FAM193A: variants seen among roughly 807,000 people sequenced by gnomAD.
FAM193A encodes the protein family with sequence similarity 193 member A.
Under a neutral mutation model 126.5 loss-of-function variants are expected in FAM193A, and 22 were observed. The observed-to-expected ratio is 0.17, with a 90% CI of 0.12 to 0.25. The LOEUF (loss-of-function observed/expected upper bound fraction) is 0.25, where lower values mean the gene tolerates loss of function less well. Among genes scored for constraint, FAM193A ranks in the 10% least tolerant of loss-of-function variants. The probability of loss-of-function intolerance (pLI) is 1.00; values close to 1 mark genes in which losing one functional copy is unlikely to be tolerated. For synonymous variants in FAM193A, 761 were observed against 646.8 expected (o/e 1.18, Z -2.68); for missense variants, 1,675 against 1,672.8 (o/e 1.00, Z -0.02).
chr4:2,690,302 C>T (rs1716219768), intron 14 of FAM193A, among the ~76,000 whole-genome samples: 1 of 152,322 alleles, frequency 6.6e-6, no homozygotes, highest in African/African-American at 2.4e-5. Flanking sequence ...AGCCCCACAC[C>T]CAGCCCCTGC....
At chr4:2,544,263 C>G (rs1217975808) in intron 1 of FAM193A, among the ~76,000 whole-genome samples, 1 of 152,076 alleles carries the variant, frequency 6.6e-6, no homozygotes, top group Non-Finnish European at 1.5e-5. Context: ...ATAAATATAT[C>G]AAGATAAAGA....
intron 1 of FAM193A, among the ~76,000 whole-genome samples, chr4:2,545,273 G>A (rs1231881367): frequency 3.9e-5 from 6 of 152,212 alleles, no homozygotes; most frequent in African/African-American, 1.2e-4. Context: ...GATTTCAGGC[G>A]TGAGCCACCA....
intron 2 of FAM193A, among the ~76,000 whole-genome samples, chr4:2,610,507 A>G (rs1338570631): frequency 6.6e-6 from 1 of 152,234 alleles, no homozygotes; most frequent in African/African-American, 2.4e-5. Context: ...GACTTGAGTT[A>G]GCCTTACAGA....
intron 12 of FAM193A, among the ~76,000 whole-genome samples, chr4:2,671,069 C>T (rs1418512917): frequency 1.3e-5 from 2 of 152,168 alleles, no homozygotes; most frequent in Non-Finnish European, 2.9e-5. Flanking sequence ...GCCCATGCAC[C>T]TTGAATCCAC....
chr4:2,603,865 C>T (rs950166596), intron 2 of FAM193A, among the ~76,000 whole-genome samples: 3 of 151,786 alleles, frequency 2.0e-5, no homozygotes, highest in South Asian at 2.1e-4. Flanking sequence ...TATTTTGAGA[C>T]GGAATTTCAC....
chr4:2,728,233 G>GC (rs1720974247), intron 20 of FAM193A, among the ~76,000 whole-genome samples: 2 of 132,864 alleles, frequency 1.5e-5, no homozygotes, highest in African/African-American at 5.5e-5. Flanking sequence ...GCCACACCCG[G>GC]CCCAATTTTT....
chr4:2,546,455 T>C (rs1737560047), intron 1 of FAM193A, among the ~76,000 whole-genome samples: 1 of 152,198 alleles, frequency 6.6e-6, no homozygotes, highest in Admixed American at 6.6e-5. Flanking sequence ...CAGCCATTAC[T>C]GTGTTGCTTG....
intron 19 of FAM193A, among the ~76,000 whole-genome samples, chr4:2,713,267 G>A (rs890636979): frequency 6.6e-5 from 10 of 151,458 alleles, no homozygotes; most frequent in African/African-American, 1.5e-4. Context: ...TTAGCCAGGC[G>A]TGGTGGCGCG....
At chr4:2,585,001 A>G (rs939198806) in intron 1 of FAM193A, among the ~76,000 whole-genome samples, 7 of 152,174 alleles carry the variant, frequency 4.6e-5, no homozygotes, top group African/African-American at 1.4e-4. Context: ...CCTTATATAA[A>G]TGGAAGCATC....
intron 5 of FAM193A, among the ~76,000 whole-genome samples, 183 bp from the exon 6 acceptor site, chr4:2,639,552 C>G (rs947857128): frequency 6.7e-6 from 1 of 148,898 alleles, no homozygotes; most frequent in Non-Finnish European, 1.5e-5. Flanking sequence ...AGTTCTGATG[C>G]ACTGTGTGCC....
In FAM193A at chr4:2,694,983, G is replaced by A; in HGVS notation, c.3130G>A (p.Val1044Ile). Residue 1044 changes from valine to isoleucine, a missense_variant, in exon 17 of 21, where the codon GTC becomes ATC. By Grantham distance (29) the Val-to-Ile change is conservative. Coordinates refer to ENST00000637812, the MANE Select transcript of FAM193A (RefSeq NM_001366318.2). ...DCEGHRCENGVYDPQQDDGDE... is the reference protein window; with the variant it reads ...DCEGHRCENGIYDPQQDDGDE... ...CGAAGGGCACCGCTGCGAGAATGGT[G>A]TCTACGACCCACAGCAGGATGATGG... The A allele has an allele frequency of 3.7e-6, 6 of 1,605,854 alleles. No homozygotes were observed. The highest frequency in any genetic ancestry group is 4.2e-6 in the Non-Finnish European group (5 of 1,176,708).
At chr4:2,584,067 C>G (rs1215177560) in intron 1 of FAM193A, among the ~76,000 whole-genome samples, 1 of 151,980 alleles carries the variant, frequency 6.6e-6, no homozygotes, top group African/African-American at 2.4e-5. Context: ...TCTTTGTTTT[C>G]TTCTAGAGGT....
In FAM193A at chr4:2,660,003, T is replaced by A. The variant is rs533013880; in HGVS notation, c.1694T>A (p.Ile565Asn). ...SGSGSSSPIT[I>N]QQHPRLILTD... is the part of the protein sequence containing the mutation. ...TCCGGCTCCAGCTCTCCCATCACAA[T>A]TCAGCAGCACCCCAGGCTCATCCTC... Residue 565 changes from isoleucine to asparagine, a missense_variant, in exon 10 of 21, where the codon ATT (isoleucine) becomes AAT (asparagine). Transcript: ENST00000637812. 6.2e-7 allele frequency: 1 copy of A among 1,614,150 alleles called. No homozygotes were observed. Among genetic ancestry groups the A allele is most frequent in the Admixed American group, 1.7e-5 (1 of 60,028 alleles).
intron 1 of FAM193A, among the ~76,000 whole-genome samples, chr4:2,566,084 G>C (rs1738927897): frequency 6.7e-6 from 1 of 148,520 alleles, no homozygotes; most frequent in East Asian, 2.0e-4. Context: ...GTCTCGCTCT[G>C]TCGCCCAGAC....
rs116715153 is a variant in FAM193A, at chr4:2,703,082, G to T, written c.4372+2538G>T. The stretch of plus-strand genomic sequence containing the variant: ...TTATAGACATAATAGTGACTTCTGG[G>T]TTCTTTTCTACTTCATATATTCTGG... On this transcript the variant is annotated intron_variant, in intron 19 of 20. Coordinates refer to ENST00000637812, the MANE Select transcript of FAM193A (RefSeq NM_001366318.2). Among the ~76,000 whole-genome samples the T allele has an allele frequency of 2.8e-3, 431 of 151,970 alleles. 1 individual carries two copies. The highest frequency in any genetic ancestry group is 9.9e-3 in the African/African-American group (410 of 41,438).
At chr4:2,540,609 C>G (rs1737174128) in intron 1 of FAM193A, among the ~76,000 whole-genome samples, 1 of 152,296 alleles carries the variant, frequency 6.6e-6, no homozygotes, top group East Asian at 1.9e-4. Context: ...GATGGCGCCA[C>G]TGCACTCCAG....
At chr4:2,660,578 C>T (rs563485632) in intron 10 of FAM193A, among the ~76,000 whole-genome samples, 2 of 152,348 alleles carry the variant, frequency 1.3e-5, no homozygotes, top group South Asian at 4.1e-4. Context: ...TTTGGGGAGG[C>T]TTCACATGCT....
chr4:2,663,186 G>T lies in FAM193A; in HGVS notation c.1977G>T (p.Glu659Asp). 2.5e-6 allele frequency: 4 copies of T among 1,614,158 alleles called. No individual in the cohort carries two copies. The highest frequency in any genetic ancestry group is 3.4e-6 in the Non-Finnish European group (4 of 1,180,014). The change falls in exon 12 of 21, where the codon GAG (glutamate) becomes GAT (aspartate). Residue 659 changes from glutamate (E) to aspartate (D), a missense_variant. Glu to Asp is a conservative substitution (Grantham distance 45). Around this residue, in one of 4 missense-constraint regions of FAM193A, gnomAD observed 1,186 missense variants for 1,109.2 expected, o/e 1.07. Transcript: ENST00000637812. The part of the protein sequence containing the change: ...DEEADGESSG[E>D]PPGAPKEDGV... ...AAGCGGACGGCGAGAGTAGTGGGGA[G>T]CCCCCAGGGGCCCCGAAGGAAGATG...
chr4:2,598,636 C>A (rs944707490), intron 2 of FAM193A, among the ~76,000 whole-genome samples: 1 of 152,142 alleles, frequency 6.6e-6, no homozygotes, highest in South Asian at 2.1e-4. Flanking sequence ...CTTCCTTAAA[C>A]GTTATTGGTT....
Sources: allele counts gnomAD v4.1 joint callset (sites outside exome capture counted in the v4.1 genomes callset), GRCh38; gene constraint gnomAD v4.1.1; regional missense constraint gnomAD v4.1.1; transcripts MANE v1.5; gene names NCBI Gene and HGNC (gene_info 2026-07-23, HGNC 2026-07-21).